DACH2: variants seen among roughly 807,000 people sequenced by gnomAD.
DACH2 encodes dachshund homolog 2.
In DACH2, 17 loss-of-function variants were observed where a neutral mutation model predicts 35.8. The ratio of observed to expected loss-of-function variants is 0.48; its 90% CI spans 0.33 to 0.71. The LOEUF (loss-of-function observed/expected upper bound fraction) is 0.71, where lower values mean the gene tolerates loss of function less well. DACH2 is among the 30% of genes least tolerant of loss of function. The pLI is 0.02. For synonymous variants in DACH2, 195 were observed against 177.3 expected, an observed-to-expected ratio of 1.10 and a Z score of -0.79; for missense variants, 469 against 472.7, an observed-to-expected ratio of 0.99 and a Z score of 0.07.
intron 2 of DACH2, among the ~76,000 whole-genome samples, chrX:86,485,614 T>C (rs781521572): frequency 1.2e-4 from 13 of 111,875 alleles, no homozygotes; most frequent in Non-Finnish European, 2.3e-4. Context: ...TGAAACATCA[T>C]ATTGTATCCC....
rs7050400 is a variant in DACH2 at position 86,779,551 on chromosome X, T to C, written c.1241-33305T>C. Among the ~76,000 whole-genome samples the C allele has an allele frequency of 3.9e-3, 435 of 111,591 alleles. 2 individuals are homozygous for C. The highest frequency in any genetic ancestry group is 0.013 in the African/African-American group (413 of 30,672). ...GAAAAGAGATATAACCTGATTTATG[T>C]CTCAAAGTATCACTCTAGATACTGG... On this transcript the variant is annotated intron_variant, in intron 7 of 11. Transcript: ENST00000373125.
chrX:86,258,795 C>G (rs2033572387), intron 1 of DACH2, among the ~76,000 whole-genome samples: 1 of 111,634 alleles, frequency 9.0e-6, no homozygotes, highest in Non-Finnish European at 1.9e-5. Flanking sequence ...TCAGAAGGTA[C>G]CCATGTTAGT....
chrX:86,763,695 A>G (rs1411264080), intron 7 of DACH2, among the ~76,000 whole-genome samples: 1 of 111,146 alleles, frequency 9.0e-6, no homozygotes, highest in Non-Finnish European at 1.9e-5. Context: ...CTCGTGATCC[A>G]CCTGCCTCGG....
intron 11 of DACH2, among the ~76,000 whole-genome samples, chrX:86,823,710 C>CAAAG (rs1373718574): frequency 1.8e-5 from 2 of 111,577 alleles, no homozygotes; most frequent in Non-Finnish European, 3.8e-5. Context: ...AGAAAGAGTA[C>CAAAG]AAAGAGAGTA....
chrX:86,716,436 T>C (rs747856348), intron 6 of DACH2, among the ~76,000 whole-genome samples: 28 of 111,692 alleles, frequency 2.5e-4, no homozygotes, highest in Non-Finnish European at 4.5e-4. Flanking sequence ...GACATGTGCC[T>C]GTAGTCCCAG....
intron 7 of DACH2, among the ~76,000 whole-genome samples, chrX:86,811,782 G>A (rs2042397304): frequency 8.9e-6 from 1 of 112,034 alleles, no homozygotes; most frequent in African/African-American, 3.2e-5. Flanking sequence ...CAGGTCATAT[G>A]AAAGACTGTC....
At chrX:86,566,114 C>A (rs2039289480) in intron 3 of DACH2, among the ~76,000 whole-genome samples, 1 of 111,679 alleles carries the variant, frequency 9.0e-6, no homozygotes. Flanking sequence ...AATTTGCTTG[C>A]TATTAACTGA....
At chrX:86,522,970 A>G (rs1383939032) in intron 3 of DACH2, among the ~76,000 whole-genome samples, 1 of 111,889 alleles carries the variant, frequency 8.9e-6, no homozygotes, top group Non-Finnish European at 1.9e-5. Context: ...CTTATGAAGC[A>G]TTTCTAATAG....
At chrX:86,720,291 A>C (rs754298603) in intron 6 of DACH2, among the ~76,000 whole-genome samples, 1 of 110,494 alleles carries the variant, frequency 9.1e-6, no homozygotes, top group East Asian at 2.9e-4. Context: ...CCAAGTCCGA[A>C]GTTTTATCTG....
At chrX:86,210,422 C>T (rs1251261618) in intron 1 of DACH2, among the ~76,000 whole-genome samples, 2 of 111,043 alleles carry the variant, frequency 1.8e-5, no homozygotes, top group African/African-American at 6.5e-5. Context: ...ATTTAAAAAG[C>T]TCCCTCATTT....
intron 7 of DACH2, among the ~76,000 whole-genome samples, chrX:86,794,271 G>A (rs143935816): frequency 3.8e-4 from 42 of 110,497 alleles, no homozygotes; most frequent in Non-Finnish European, 6.6e-4. Flanking sequence ...CTTTGAAAGC[G>A]TATGCCACAG....
rs149774848 is a variant in DACH2 at position 86,336,567 on chromosome X, A to G, written c.489-40257A>G. ...GCATATCCACTCAGAGACCCCATAG[A>G]AGGTCACCCACATCAAAGACCAAAT... On this transcript the variant is annotated intron_variant, in intron 1 of 11. Transcript: ENST00000373125. Among the ~76,000 whole-genome samples, 554 of 111,625 alleles carry G rather than the reference A, an allele frequency of 5.0e-3. 1 individual carries two copies. Among genetic ancestry groups the G allele is most frequent in the Non-Finnish European group, 7.1e-3 (375 of 53,136 alleles).
At chrX:86,420,000 G>T (rs757040420) in intron 2 of DACH2, among the ~76,000 whole-genome samples, 1 of 111,938 alleles carries the variant, frequency 8.9e-6, no homozygotes, top group South Asian at 3.7e-4. Context: ...AAACTAGTAT[G>T]CACGTTGAAG....
At chrX:86,455,592 T>C (rs919001431) in intron 2 of DACH2, among the ~76,000 whole-genome samples, 1 of 112,512 alleles carries the variant, frequency 8.9e-6, no homozygotes, top group African/African-American at 3.2e-5. Flanking sequence ...CGCTGCATTG[T>C]GTGGGAACCT....
At chrX:86,725,665 C>A (rs764129638) in intron 6 of DACH2, among the ~76,000 whole-genome samples, 4 of 110,982 alleles carry the variant, frequency 3.6e-5, no homozygotes, top group Non-Finnish European at 7.6e-5. Flanking sequence ...CTGGTAGTGG[C>A]AGTGGTGGGC....
At chrX:86,394,628 A>T (rs1311561915) in intron 2 of DACH2, among the ~76,000 whole-genome samples, 1 of 112,007 alleles carries the variant, frequency 8.9e-6, no homozygotes, top group Non-Finnish European at 1.9e-5. Flanking sequence ...TTTGTTTGTA[A>T]TGCCAAACCT....
intron 3 of DACH2, among the ~76,000 whole-genome samples, chrX:86,573,533 A>G (rs2039399413): frequency 9.0e-6 from 1 of 111,608 alleles, no homozygotes; most frequent in African/African-American, 3.3e-5. Context: ...TGCTTGGCCT[A>G]GACCCATGCT....
At chrX:86,326,484 T>A (rs9698836) in intron 1 of DACH2, among the ~76,000 whole-genome samples, 1 of 83,666 alleles carries the variant, frequency 1.2e-5, no homozygotes, top group Non-Finnish European at 2.3e-5. Flanking sequence ...TAAAAAATTA[T>A]ACATACACAC....
intron 2 of DACH2, among the ~76,000 whole-genome samples, chrX:86,504,123 A>T (rs2038289319): frequency 9.0e-6 from 1 of 110,531 alleles, no homozygotes; most frequent in Non-Finnish European, 1.9e-5. Context: ...TTATTACATT[A>T]TGAAGGATTT....
Sources: gnomAD v4.1 joint callset for allele counts (sites outside exome capture counted in the v4.1 genomes callset) on GRCh38, gnomAD v4.1.1 for gene constraint, MANE v1.5 for transcripts, NCBI Gene and HGNC (gene_info 2026-07-23, HGNC 2026-07-21) for gene names.